Variants in PCDH9 observed in about 807,000 individuals in gnomAD.
The protein encoded by PCDH9 is protocadherin 9.
In PCDH9, 24 loss-of-function variants were observed where a neutral mutation model predicts 70.6. The ratio of observed to expected loss-of-function variants is 0.34; its 90% CI spans 0.25 to 0.48. The LOEUF is 0.48. PCDH9 is among the 20% of genes least tolerant of loss of function. The probability of loss-of-function intolerance (pLI) is 0.99; values close to 1 mark genes in which losing one functional copy is unlikely to be tolerated. For synonymous variants in PCDH9, 562 were observed against 558.5 expected (o/e 1.01, Z -0.09); for missense variants, 1,281 against 1,503.6 (o/e 0.85, Z 2.45).
chr13:67,000,291 G>A lies in PCDH9; in HGVS notation c.3037-96686C>T, dbSNP rs182756633. On this transcript the variant is annotated intron_variant, in intron 2 of 4. Transcript: ENST00000377865. Reference sequence around the variant, plus strand: ...GGTGGGAATTGAACAATGAGAACACGTGGACACAGGAAGGGGAACATCACA... The same window carrying A: ...GGTGGGAATTGAACAATGAGAACACATGGACACAGGAAGGGGAACATCACA... 1.5e-3 allele frequency among the ~76,000 whole-genome samples: 220 copies of A among 145,936 alleles called. 1 individual carries two copies. In the East Asian group the frequency reaches 0.026, roughly 17 times the overall value.
chr13:66,516,277 T>C (rs1022852672), intron 4 of PCDH9, among the ~76,000 whole-genome samples: 2 of 151,926 alleles, frequency 1.3e-5, no homozygotes, highest in African/African-American at 4.8e-5. Context: ...TATATAGTAG[T>C]TCAAGATTAT....
intron 4 of PCDH9, among the ~76,000 whole-genome samples, chr13:66,325,838 T>C (rs1007032928): frequency 5.9e-5 from 9 of 152,196 alleles, no homozygotes; most frequent in African/African-American, 2.2e-4. Flanking sequence ...TTAGATTAAC[T>C]ATGTGATCTT....
chr13:66,458,370 T>G (rs1594013531), intron 4 of PCDH9, among the ~76,000 whole-genome samples: 1 of 152,214 alleles, frequency 6.6e-6, no homozygotes, highest in South Asian at 2.1e-4. Flanking sequence ...ATATTTTATT[T>G]TTTTAACAGT....
At chr13:66,737,750 A>T (rs2079176607) in intron 3 of PCDH9, among the ~76,000 whole-genome samples, 2 of 152,124 alleles carry the variant, frequency 1.3e-5, no homozygotes, top group African/African-American at 4.8e-5. Flanking sequence ...CACCTGGAAA[A>T]TCGGGCCACT....
chr13:66,626,988 T>TGTGTGTGTGTGTGTG (rs1566465653), intron 4 of PCDH9, among the ~76,000 whole-genome samples: 5 of 143,620 alleles, frequency 3.5e-5, no homozygotes, highest in South Asian at 2.2e-4. Context: ...TGTGTGTGTG[T>TGTGTGTGTGTGTGTG]TTAGAAGCAA....
At chr13:66,880,907 C>A (rs1442097829) in intron 3 of PCDH9, among the ~76,000 whole-genome samples, 1 of 152,182 alleles carries the variant, frequency 6.6e-6, no homozygotes, top group Non-Finnish European at 1.5e-5. Flanking sequence ...GCAGGTTCTA[C>A]AGTCACAATT....
At chr13:67,135,558 T>G (rs975843902) in intron 2 of PCDH9, among the ~76,000 whole-genome samples, 1 of 152,118 alleles carries the variant, frequency 6.6e-6, no homozygotes, top group African/African-American at 2.4e-5. Flanking sequence ...AGTACTTTAC[T>G]AGAAACGGTA....
At chr13:67,127,929 C>G (rs2087019816) in intron 2 of PCDH9, among the ~76,000 whole-genome samples, 1 of 151,852 alleles carries the variant, frequency 6.6e-6, no homozygotes, top group Admixed American at 6.6e-5. Flanking sequence ...ATTTTTCTTT[C>G]CAGATGTACT....
intron 2 of PCDH9, among the ~76,000 whole-genome samples, chr13:67,006,326 G>A (rs2084354633): frequency 6.6e-6 from 1 of 152,210 alleles, no homozygotes; most frequent in South Asian, 2.1e-4. Flanking sequence ...ATGGAGGATA[G>A]ATTGTGCAGG....
At chr13:67,091,448 G>A (rs2086216400) in intron 2 of PCDH9, among the ~76,000 whole-genome samples, 1 of 152,124 alleles carries the variant, frequency 6.6e-6, no homozygotes, top group Admixed American at 6.6e-5. Context: ...CATTGAATAT[G>A]TTGATTGCCG....
chr13:66,450,972 G>A (rs187911470), intron 4 of PCDH9, among the ~76,000 whole-genome samples: 19 of 152,142 alleles, frequency 1.2e-4, no homozygotes, highest in African/African-American at 1.7e-4. Context: ...AGCCGAGATC[G>A]CGCCACTGTA....
chr13:66,731,626 A>T (rs2079081127), intron 3 of PCDH9, among the ~76,000 whole-genome samples: 1 of 152,148 alleles, frequency 6.6e-6, no homozygotes, highest in Non-Finnish European at 1.5e-5. Context: ...ATGGAAAGAA[A>T]AAGAAAATTC....
chr13:66,996,799 A>G (rs1273253326), intron 2 of PCDH9, among the ~76,000 whole-genome samples: 1 of 152,248 alleles, frequency 6.6e-6, no homozygotes, highest in Non-Finnish European at 1.5e-5. Flanking sequence ...TCGTAAAAGA[A>G]AAAGCTAACA....
At chr13:66,629,136 C>A (rs2138927640) in intron 4 of PCDH9, among the ~76,000 whole-genome samples, 1 of 152,320 alleles carries the variant, frequency 6.6e-6, no homozygotes, top group Admixed American at 6.5e-5. Flanking sequence ...TAATCTTATT[C>A]ATTGTAAATA....
intron 3 of PCDH9, among the ~76,000 whole-genome samples, chr13:66,880,978 C>G (rs974161674): frequency 1.3e-5 from 2 of 152,168 alleles, no homozygotes; most frequent in African/African-American, 4.8e-5. Context: ...TTTTACACCT[C>G]AGTGATCTCC....
At chr13:66,812,068 C>T (rs1035954804) in intron 3 of PCDH9, among the ~76,000 whole-genome samples, 4 of 151,866 alleles carry the variant, frequency 2.6e-5, no homozygotes, top group Admixed American at 2.0e-4. Context: ...ATACCTCACC[C>T]CCTTCCCACT....
chr13:66,314,704 G>T (rs546522118), intron 4 of PCDH9, among the ~76,000 whole-genome samples: 47 of 152,112 alleles, frequency 3.1e-4, no homozygotes, highest in Non-Finnish European at 1.0e-4. Flanking sequence ...TACCGTTCTT[G>T]TATATGGCAC....
chr13:66,795,370 A>G (rs2080225255), intron 3 of PCDH9, among the ~76,000 whole-genome samples: 1 of 152,158 alleles, frequency 6.6e-6, no homozygotes, highest in Non-Finnish European at 1.5e-5. Flanking sequence ...ATCATACTAC[A>G]TATAAATATA....
chr13:66,652,337 T>G (rs2077864464), intron 3 of PCDH9, among the ~76,000 whole-genome samples: 1 of 151,980 alleles, frequency 6.6e-6, no homozygotes, highest in African/African-American at 2.4e-5. Flanking sequence ...ATGCCAACAG[T>G]GAACAATCTG....
Sources: gnomAD v4.1 joint callset for allele counts (sites outside exome capture counted in the v4.1 genomes callset) on GRCh38, gnomAD v4.1.1 for gene constraint, MANE v1.5 for transcripts, NCBI Gene and HGNC (gene_info 2026-07-23, HGNC 2026-07-21) for gene names.